Variants in NLGN1 observed in about 807,000 individuals in gnomAD.
The protein encoded by NLGN1 is neuroligin-1.
In NLGN1, 12 loss-of-function variants were observed where a neutral mutation model predicts 65.5. That is an observed-to-expected ratio of 0.18 (90% confidence interval 0.12 to 0.30). The LOEUF (loss-of-function observed/expected upper bound fraction) is 0.30. NLGN1 is among the 10% of genes least tolerant of loss of function. NLGN1 has a pLI of 1.00. For synonymous variants in NLGN1, 350 were observed against 359.5 expected (o/e 0.97, Z 0.30); for missense variants, 750 against 1,007.1 (o/e 0.74, Z 3.46).
chr3:173,446,742 T>G (rs1285423800), intron 2 of NLGN1, among the ~76,000 whole-genome samples: 1 of 152,230 alleles, frequency 6.6e-6, no homozygotes, highest in African/African-American at 2.4e-5. Context: ...CCTGACTTCG[T>G]AATGATTGCC....
chr3:174,250,374 A>T lies in NLGN1; in HGVS notation c.647-24941A>T, dbSNP rs185537763. Among the ~76,000 whole-genome samples, 3 of 152,342 alleles carry T rather than the reference A, an allele frequency of 2.0e-5. No individual in the cohort carries two copies. The East Asian group carries it at 5.8e-4, about 29-fold the overall frequency. On this transcript the variant is annotated intron_variant, in intron 4 of 6. Transcript: ENST00000457714. ...TTCATATTCTGGAAAGATCAGACAA[A>T]TATATGTATTCAAATGAGTTTTTTA...
At chr3:174,155,000 A>G (rs1561175441) in intron 4 of NLGN1, among the ~76,000 whole-genome samples, 1 of 71,218 alleles carries the variant, frequency 1.4e-5, no homozygotes, top group African/African-American at 9.7e-5. Flanking sequence ...TATTATATAT[A>G]TTTATATATT....
chr3:174,031,876 T>C (rs895408987), intron 4 of NLGN1, among the ~76,000 whole-genome samples: 6 of 152,078 alleles, frequency 3.9e-5, no homozygotes, highest in African/African-American at 1.2e-4. Context: ...AAGGCCTACA[T>C]TGTGTAATTT....
intron 4 of NLGN1, among the ~76,000 whole-genome samples, chr3:173,832,112 A>G (rs1045555671): frequency 6.0e-5 from 7 of 116,774 alleles, no homozygotes; most frequent in African/African-American, 2.3e-4. Flanking sequence ...GCTCGCCTCC[A>G]AGCCCAGCTA....
At position 173,691,503 on chromosome 3, in the gene NLGN1, T is replaced by C. The variant is rs1765460164; in HGVS notation, c.493+86412T>C. ...AAAATCTTTGAAGCCAGCGACTTTA[T>C]ATTATGTTTTTGTGTACTCCATTTA... On this transcript the variant is annotated intron_variant, in intron 3 of 6. Transcript: ENST00000457714. Among the ~76,000 whole-genome samples the C allele has an allele frequency of 3.3e-5, 5 of 152,288 alleles. No individual in the cohort carries two copies. In the South Asian group the frequency reaches 1.0e-3, roughly 32 times the overall value.
intron 4 of NLGN1, among the ~76,000 whole-genome samples, chr3:173,868,405 G>A (rs1400470085): frequency 1.3e-5 from 2 of 152,166 alleles, no homozygotes; most frequent in Non-Finnish European, 2.9e-5. Context: ...CAGATAGTCT[G>A]GCAAATATGG....
chr3:174,009,526 C>G (rs1190858501), intron 4 of NLGN1, among the ~76,000 whole-genome samples: 9 of 152,104 alleles, frequency 5.9e-5, no homozygotes, highest in Non-Finnish European at 2.9e-5. Flanking sequence ...GACTACATCC[C>G]TGTGCCAAGT....
chr3:173,981,781 A>G (rs2152394404), intron 4 of NLGN1, among the ~76,000 whole-genome samples: 1 of 152,278 alleles, frequency 6.6e-6, no homozygotes, highest in East Asian at 1.9e-4. Context: ...TTCTAACAAT[A>G]ACACACATAT....
intron 3 of NLGN1, among the ~76,000 whole-genome samples, chr3:173,659,852 G>A (rs1235951836): frequency 2.0e-5 from 3 of 151,798 alleles, no homozygotes; most frequent in Non-Finnish European, 2.9e-5. Context: ...TAACGAGGAG[G>A]TGTATGTTTT....
chr3:173,723,119 A>C (rs1035246199), intron 3 of NLGN1, among the ~76,000 whole-genome samples: 14 of 152,166 alleles, frequency 9.2e-5, no homozygotes, highest in African/African-American at 2.7e-4. Flanking sequence ...GCATTTTCAA[A>C]GCGATACTTG....
intron 4 of NLGN1, among the ~76,000 whole-genome samples, chr3:173,995,560 A>G (rs1049102814): frequency 2.0e-5 from 3 of 152,070 alleles, no homozygotes; most frequent in Non-Finnish European, 4.4e-5. Context: ...TTCTGCCCTG[A>G]GTGAAGAGGG....
At chr3:173,406,313 A>G (rs865823960) in intron 1 of NLGN1, among the ~76,000 whole-genome samples, 2 of 151,776 alleles carry the variant, frequency 1.3e-5, no homozygotes, top group African/African-American at 2.4e-5. Context: ...AACTATCACT[A>G]TATATATAAA....
intron 2 of NLGN1, among the ~76,000 whole-genome samples, chr3:173,577,502 T>A (rs921788672): frequency 6.6e-6 from 1 of 152,222 alleles, no homozygotes; most frequent in Non-Finnish European, 1.5e-5. Context: ...TTTTCTTTTG[T>A]AACAAATCCA....
At chr3:173,812,879 G>A (rs187378234) in intron 4 of NLGN1, among the ~76,000 whole-genome samples, 5 of 149,102 alleles carry the variant, frequency 3.4e-5, no homozygotes, top group Admixed American at 1.3e-4. Context: ...CCTTTTCTGA[G>A]GGATAAAAGT....
At chr3:174,173,576 C>T (rs1407037902) in intron 4 of NLGN1, among the ~76,000 whole-genome samples, 1 of 151,812 alleles carries the variant, frequency 6.6e-6, no homozygotes, top group Non-Finnish European at 1.5e-5. Context: ...TTGAAATAGT[C>T]ATTTGGTTTT....
intron 2 of NLGN1, among the ~76,000 whole-genome samples, chr3:173,478,740 G>A (rs1292458416): frequency 6.6e-6 from 1 of 151,878 alleles, no homozygotes; most frequent in Non-Finnish European, 1.5e-5. Flanking sequence ...GGCCAACATG[G>A]TGAAACCTAG....
chr3:173,931,434 A>C (rs962265495), intron 4 of NLGN1, among the ~76,000 whole-genome samples: 2 of 152,162 alleles, frequency 1.3e-5, no homozygotes, highest in African/African-American at 2.4e-5. Context: ...TGGTCATGGA[A>C]GGCTTCAATG....
intron 3 of NLGN1, among the ~76,000 whole-genome samples, chr3:173,626,107 C>T (rs1754783082): frequency 6.6e-6 from 1 of 152,060 alleles, no homozygotes; most frequent in Non-Finnish European, 1.5e-5. Context: ...TATATCTTCT[C>T]TGACCAATAC....
At chr3:173,772,550 G>A (rs552545196) in intron 3 of NLGN1, among the ~76,000 whole-genome samples, 109 of 152,210 alleles carry the variant, frequency 7.2e-4, no homozygotes, top group African/African-American at 2.5e-3. Context: ...CCTGGGAGAC[G>A]GAGGTTGCAG....
Sources: allele counts gnomAD v4.1 joint callset (sites outside exome capture counted in the v4.1 genomes callset), GRCh38; gene constraint gnomAD v4.1.1; transcripts MANE v1.5; gene names NCBI Gene and HGNC (gene_info 2026-07-23, HGNC 2026-07-21).